The following RRN3 variants were observed in gnomAD, a reference collection of about 807,000 sequenced individuals.
RRN3 encodes the protein RNA polymerase I transcription factor RRN3.
In RRN3, 38 loss-of-function variants were observed where a neutral mutation model predicts 82.3. The observed-to-expected ratio is 0.46, with a 90% CI of 0.36 to 0.61. The LOEUF is 0.61. Ranked by LOEUF, RRN3 falls within the 20% of genes least tolerant of loss-of-function variation. The pLI is 0.00. For missense variants in RRN3, 726 were observed against 793.1 expected (o/e 0.92, Z 1.02); for synonymous variants, 284 against 284.3 (o/e 1.00, Z 0.01).
At position 15,070,202 on chromosome 16, in the gene RRN3, T is replaced by TA. The variant is rs775691318; in HGVS notation, c.1311dup (p.Asn438Ter). ...GCCTTTGTTCCCGAATCCTGGTTATTAAGGTATATGTGCAGCCAGTTAACC... is the reference window on the plus strand; with the variant it reads ...GCCTTTGTTCCCGAATCCTGGTTATTAAAGGTATATGTGCAGCCAGTTAACC... On this transcript the variant is annotated frameshift_variant, in exon 14 of 18. Transcript: ENST00000198767. LOFTEE classifies it high-confidence loss of function. 3 of 1,607,418 alleles carry TA rather than the reference T, an allele frequency of 1.9e-6. No homozygotes were observed.
intron 3 of RRN3, among the ~76,000 whole-genome samples, chr16:15,090,690 C>G (rs1292196492): frequency 6.6e-6 from 1 of 152,166 alleles, no homozygotes; most frequent in Non-Finnish European, 1.5e-5. Context: ...ACAATTTGCT[C>G]AAGATCACAC....
At chr16:15,080,211 C>G in intron 8 of RRN3, 115 bp from the exon 9 acceptor site, 2 of 1,285,224 alleles carry the variant, frequency 1.6e-6, no homozygotes, top group Non-Finnish European at 2.1e-6. Context: ...AAGAAAAAAA[C>G]AGACTATCCA....
chr16:15,080,505 G>A lies in RRN3; in HGVS notation c.667-409C>T, dbSNP rs1196373406. Among the ~76,000 whole-genome samples, 3 of 152,170 alleles carry A rather than the reference G, an allele frequency of 2.0e-5. No individual in the cohort carries two copies. In the South Asian group the frequency reaches 6.2e-4, roughly 32 times the overall value. ...GATGGCGTACAGTGGTGCAATCATA[G>A]CTCACTGCAACCCTGAATTCCCAGG... On this transcript the variant is annotated intron_variant, in intron 8 of 17. Transcript: ENST00000198767.
intron 16 of RRN3, among the ~76,000 whole-genome samples, chr16:15,064,941 C>A (rs1240047555): frequency 6.6e-6 from 1 of 152,128 alleles, no homozygotes; most frequent in East Asian, 1.9e-4. Flanking sequence ...CCGAGGCGGG[C>A]GGATCACGAG....
chr16:15,073,295 C>CA (rs778409819), intron 11 of RRN3, among the ~76,000 whole-genome samples: 13 of 152,036 alleles, frequency 8.6e-5, no homozygotes, highest in Non-Finnish European at 1.6e-4. Flanking sequence ...TCTGTCTCTA[C>CA]AAAAAATCAA....
At chr16:15,074,916 T>C in intron 10 of RRN3, 55 bp from the exon 11 acceptor site, 4 of 1,522,160 alleles carry the variant, frequency 2.6e-6, no homozygotes, top group South Asian at 1.2e-5. Context: ...CAAAGTGGTT[T>C]AGTAGGAAAA....
chr16:15,072,245 CAAAAA>C (rs55852324), intron 12 of RRN3, among the ~76,000 whole-genome samples: 3 of 133,484 alleles, frequency 2.2e-5, no homozygotes, highest in Non-Finnish European at 3.2e-5. Context: ...TTTCCCCCAC[CAAAAA>C]AAAAAAAAAA....
intron 3 of RRN3, among the ~76,000 whole-genome samples, chr16:15,088,427 C>T (rs2045992799): frequency 6.6e-6 from 1 of 152,084 alleles, no homozygotes; most frequent in Admixed American, 6.6e-5. Context: ...TGATCGGGCC[C>T]ATTACACTCC....
chr16:15,083,209 G>T (rs1371757570), intron 8 of RRN3, among the ~76,000 whole-genome samples: 2 of 152,144 alleles, frequency 1.3e-5, no homozygotes, highest in African/African-American at 4.8e-5. Context: ...TACCAGTGTG[G>T]CCAATATGGT....
chr16:15,076,616 T>C lies in RRN3; in HGVS notation c.800A>G (p.Glu267Gly). Reference sequence around the variant, plus strand: ...ACCACAAGTTTGAGTTGCTGTTTCTTCAGCATCTTCAATACCCTGCCGGGA... The same window carrying C: ...ACCACAAGTTTGAGTTGCTGTTTCTCCAGCATCTTCAATACCCTGCCGGGA... ...NASRQGIEDA[E>G]ETATQTCGGT... The change falls in exon 10 of 18, where the codon GAA becomes GGA. Residue 267 changes from glutamate to glycine, a missense_variant. Glu to Gly is a moderately conservative substitution (Grantham distance 98). Coordinates refer to ENST00000198767, the MANE Select transcript of RRN3 (RefSeq NM_018427.5). 1 of 1,612,962 alleles carries C rather than the reference T, an allele frequency of 6.2e-7. No individual in the cohort carries two copies.
At chr16:15,073,566 G>GA (rs2045330617) in intron 11 of RRN3, among the ~76,000 whole-genome samples, 1 of 152,124 alleles carries the variant, frequency 6.6e-6, no homozygotes, top group South Asian at 2.1e-4. Context: ...CACCTGCAAG[G>GA]AAGCAGGCCC....
At chr16:15,067,287 C>T (rs2151766240) in intron 15 of RRN3, among the ~76,000 whole-genome samples, 1 of 150,080 alleles carries the variant, frequency 6.7e-6, no homozygotes, top group African/African-American at 2.4e-5. Flanking sequence ...TCGCTTTCTC[C>T]ATAAAGCAGA....
At position 15,060,669 on chromosome 16, in the gene RRN3, C is replaced by T. The variant is rs985965176; in HGVS notation, c.*1075G>A. 6.6e-6 allele frequency: 1 copy of T among 152,382 alleles called. No individual in the cohort carries two copies. Among genetic ancestry groups the T allele is most frequent in the Non-Finnish European group, 1.5e-5 (1 of 68,188 alleles). The allele number at this position is 152,382 out of a possible 1,614,324, so 9.4% of individuals were successfully genotyped here. On this transcript the variant is annotated 3_prime_UTR_variant, in exon 18 of 18. Coordinates refer to ENST00000198767, the MANE Select transcript of RRN3 (RefSeq NM_018427.5). ...TTAAAGCGAGGTCTTCTGAAGACTT[C>T]CTCTGTTTAGTTATAAAAATACAAA... is the stretch of plus-strand genomic sequence containing the variant.
At chr16:15,074,957 T>G (rs749383807) in intron 10 of RRN3, 96 bp from the exon 11 acceptor site, 4 of 1,267,380 alleles carry the variant, frequency 3.2e-6, no homozygotes, top group African/African-American at 1.5e-5. Flanking sequence ...CCTTAAAAGA[T>G]AAAACAAAGA....
rs572059660 is a variant in RRN3 at position 15,079,860 on chromosome 16, G to C, written c.765+138C>G. On this transcript the variant is annotated intron_variant, in intron 9 of 17. Coordinates refer to ENST00000198767, the MANE Select transcript of RRN3 (RefSeq NM_018427.5). The stretch of plus-strand genomic sequence containing the variant: ...GATCTGCCTGCCTCGGCCTCCCAAA[G>C]TGCTGGGAATACAGGCGTGAGTCAC... 5.1e-6 allele frequency: 5 copies of C among 984,792 alleles called. No individual in the cohort carries two copies. In the African/African-American group the frequency reaches 8.5e-5, roughly 17 times the overall value. The allele number at this position is 984,792 out of a possible 1,614,324, so 61.0% of individuals were successfully genotyped here. A position where few individuals can be genotyped will look rare whatever the true frequency, so the allele number is the denominator to read the frequency against.
chr16:15,067,715 T>C (rs1239758460), intron 15 of RRN3, among the ~76,000 whole-genome samples: 2 of 152,056 alleles, frequency 1.3e-5, no homozygotes, highest in Non-Finnish European at 2.9e-5. Context: ...CATCAAAGTA[T>C]AAAAACAATA....
At chr16:15,066,965 AC>A (rs2045007065) in intron 15 of RRN3, among the ~76,000 whole-genome samples, 2 of 151,276 alleles carry the variant, frequency 1.3e-5, no homozygotes, top group Non-Finnish European at 1.5e-5. Context: ...CTCTGTCCCC[AC>A]CCCGAGAACA....
chr16:15,076,697 C>T, intron 9 of RRN3, 47 bp from the exon 10 acceptor site: 1 of 1,334,398 alleles, frequency 7.5e-7, no homozygotes, highest in Non-Finnish European at 1.1e-6. Context: ...TTAAAAAATA[C>T]AACTATGTTA....
At chr16:15,064,519 G>T (rs934623871) in intron 16 of RRN3, among the ~76,000 whole-genome samples, 1 of 152,126 alleles carries the variant, frequency 6.6e-6, no homozygotes, top group Non-Finnish European at 1.5e-5. Flanking sequence ...ATGGTATGTG[G>T]TCTCTAGAGG....
Sources: allele counts gnomAD v4.1 joint callset (sites outside exome capture counted in the v4.1 genomes callset), GRCh38; gene constraint gnomAD v4.1.1; transcripts MANE v1.5; gene names NCBI Gene and HGNC (gene_info 2026-07-23, HGNC 2026-07-21).